Variants in PPM1B observed in about 807,000 individuals in gnomAD.
The protein encoded by PPM1B is protein phosphatase 1B.
A neutral mutation model predicts 43.0 loss-of-function variants in PPM1B; 22 were observed. The ratio of observed to expected loss-of-function variants is 0.51; its 90% CI spans 0.37 to 0.73. The LOEUF (loss-of-function observed/expected upper bound fraction) is 0.73. Ranked by LOEUF, PPM1B falls within the 30% of genes least tolerant of loss-of-function variation. The pLI, the probability that PPM1B is intolerant of heterozygous loss-of-function variation, is 0.00. For missense variants in PPM1B, 632 were observed against 584.2 expected (o/e 1.08, Z -0.84); for synonymous variants, 217 against 197.9 (o/e 1.10, Z -0.81).
downstream of PPM1B, chr2:44,232,405 A>G: frequency 6.3e-7 from 1 of 1,594,922 alleles, no homozygotes; most frequent in Non-Finnish European, 8.5e-7. Context: ...ACTTTTAATC[A>G]CAATTTTCTT....
chr2:44,229,477 T>C (rs1670373690), intron 5 of PPM1B, among the ~76,000 whole-genome samples: 1 of 152,154 alleles, frequency 6.6e-6, no homozygotes, highest in Admixed American at 6.6e-5. Flanking sequence ...GAAACTGACT[T>C]TGAAGAATCT....
chr2:44,234,523 A>C, downstream of PPM1B: 1 of 975,406 alleles, frequency 1.0e-6, no homozygotes, highest in Non-Finnish European at 1.2e-6. Flanking sequence ...GTCTCAAAAA[A>C]AAAAAAAAAG....
chr2:44,241,973 C>T (rs895574992), intron 5 of PPM1B, among the ~76,000 whole-genome samples: 3 of 142,180 alleles, frequency 2.1e-5, no homozygotes, highest in Non-Finnish European at 3.0e-5. Flanking sequence ...ATTCTCCTGC[C>T]CCAGCCTTCC....
chr2:44,178,195 C>T (rs780460403), intron 1 of PPM1B, among the ~76,000 whole-genome samples: 40 of 151,984 alleles, frequency 2.6e-4, no homozygotes, highest in Non-Finnish European at 1.5e-5. Flanking sequence ...GTTGTGATTA[C>T]AGGCGTGAGC....
intron 1 of PPM1B, among the ~76,000 whole-genome samples, chr2:44,169,937 C>G (rs1667244695): frequency 6.6e-6 from 1 of 150,736 alleles, no homozygotes; most frequent in Admixed American, 6.6e-5. Flanking sequence ...CTACCGGAGC[C>G]CCATTAAGAG....
At chr2:44,213,379 T>C (rs563844982) in intron 3 of PPM1B, among the ~76,000 whole-genome samples, 2 of 151,558 alleles carry the variant, frequency 1.3e-5, no homozygotes, top group Middle Eastern at 3.4e-3. Context: ...TTGAATGATA[T>C]AACTTACGAT....
intron 2 of PPM1B, among the ~76,000 whole-genome samples, chr2:44,203,376 T>G (rs1042829093): frequency 3.9e-5 from 6 of 152,100 alleles, no homozygotes; most frequent in African/African-American, 1.4e-4. Flanking sequence ...GTCTTTGAAC[T>G]CTAAATGAAG....
rs1334910004 is a variant in PPM1B, at chr2:44,218,098, A to G, written c.1076+20A>G. ...TGGCAAGTAAGTAGAACAAAAAGCTAATTTTGAGTTCGTTCATAATTAGTA... is the reference window on the plus strand; with the variant it reads ...TGGCAAGTAAGTAGAACAAAAAGCTGATTTTGAGTTCGTTCATAATTAGTA... On this transcript the variant is annotated intron_variant, in intron 4 of 5. Coordinates refer to ENST00000282412, the MANE Select transcript of PPM1B (RefSeq NM_002706.6). 1 of 1,540,538 alleles carries G rather than the reference A, an allele frequency of 6.5e-7. No individual in the cohort carries two copies. Among genetic ancestry groups the G allele is most frequent in the Admixed American group, 1.7e-5 (1 of 58,848 alleles).
intron 1 of PPM1B, among the ~76,000 whole-genome samples, chr2:44,179,443 CAAAGCTCTGT>C (rs1667753017): frequency 1.3e-5 from 2 of 152,256 alleles, no homozygotes; most frequent in Admixed American, 1.3e-4. Context: ...TACCAAACAG[CAAAGCTCTGT>C]GTTCTTGTCT....
At chr2:44,170,405 TA>T (rs1180990995) in intron 1 of PPM1B, among the ~76,000 whole-genome samples, 1 of 152,252 alleles carries the variant, frequency 6.6e-6, no homozygotes, top group East Asian at 1.9e-4. Context: ...GTCTTAGTGT[TA>T]TGTAGCTATT....
intron 1 of PPM1B, among the ~76,000 whole-genome samples, chr2:44,199,318 TAAAAATAAA>T (rs1668817378): frequency 1.4e-5 from 1 of 69,140 alleles, no homozygotes; most frequent in African/African-American, 6.3e-5. Flanking sequence ...AAAAAAAAAA[TAAAAATAAA>T]AAAAAAAAAA....
At chr2:44,188,393 C>CTTTTTTTTTTTTTTTTTTTTTTTTTT (rs67959948) in intron 1 of PPM1B, among the ~76,000 whole-genome samples, 1 of 92,314 alleles carries the variant, frequency 1.1e-5, no homozygotes, top group Non-Finnish European at 2.1e-5. Flanking sequence ...TTCTTTCTTT[C>CTTTTTTTTTTTTTTTTTTTTTTTTTT]TTTTTTTTTT....
intron 5 of PPM1B, among the ~76,000 whole-genome samples, chr2:44,222,216 CATTT>C (rs1670009540): frequency 6.6e-6 from 1 of 151,876 alleles, no homozygotes; most frequent in Admixed American, 6.6e-5. Context: ...TGATCTGATT[CATTT>C]GTGTCTATAG....
At chr2:44,238,968 A>T (rs1670688987), downstream of PPM1B, among the ~76,000 whole-genome samples, 1 of 152,030 alleles carries the variant, frequency 6.6e-6, no homozygotes, top group Non-Finnish European at 1.5e-5. Flanking sequence ...TAACTGAAAA[A>T]AGGAGGGGAG....
rs1282077286 is a variant in PPM1B, at chr2:44,191,493, C to T, written c.-14-9693C>T. 2.0e-5 allele frequency among the ~76,000 whole-genome samples: 3 copies of T among 152,172 alleles called. No individual in the cohort carries two copies. In the South Asian group the frequency reaches 6.2e-4, roughly 32 times the overall value. The stretch of plus-strand genomic sequence containing the variant: ...CCTCCCAAAGTGCTGGGATTACAGG[C>T]GTGAGCCACCGCTCCCAGCTTCTGC... On this transcript the variant is annotated intron_variant, in intron 1 of 5. Coordinates refer to ENST00000282412, the MANE Select transcript of PPM1B (RefSeq NM_002706.6).
chr2:44,178,083 A>G (rs773311854), intron 1 of PPM1B, among the ~76,000 whole-genome samples: 1 of 151,342 alleles, frequency 6.6e-6, no homozygotes, highest in Non-Finnish European at 1.5e-5. Context: ...ACATCTGGCT[A>G]ATTTTTGTGT....
chr2:44,228,330 G>A (rs895114160), intron 5 of PPM1B, among the ~76,000 whole-genome samples: 1 of 151,534 alleles, frequency 6.6e-6, no homozygotes, highest in Admixed American at 6.6e-5. Context: ...TGGGACTATG[G>A]GCGTGTTCCT....
chr2:44,194,999 T>C (rs912357933), intron 1 of PPM1B, among the ~76,000 whole-genome samples: 5 of 150,896 alleles, frequency 3.3e-5, no homozygotes, highest in African/African-American at 1.2e-4. Context: ...TCAAGTGATC[T>C]TCCTGCTTCA....
chr2:44,203,873 A>C (rs149857558), intron 2 of PPM1B, among the ~76,000 whole-genome samples: 315 of 152,316 alleles, frequency 2.1e-3, no homozygotes, highest in African/African-American at 7.4e-3. Flanking sequence ...AAAGGATGCT[A>C]GTTTTTGAGA....
Sources: allele counts gnomAD v4.1 joint callset (sites outside exome capture counted in the v4.1 genomes callset), GRCh38; gene constraint gnomAD v4.1.1; transcripts MANE v1.5; gene names NCBI Gene and HGNC (gene_info 2026-07-23, HGNC 2026-07-21).